Variants in CEP63 observed in about 807,000 individuals in gnomAD.
The protein encoded by CEP63 is centrosomal protein 63, also known as centrosomal protein of 63 kDa.
A neutral mutation model predicts 89.1 loss-of-function variants in CEP63; 84 were observed. That is an observed-to-expected ratio of 0.94 (90% CI 0.79 to 1.13). CEP63 has a LOEUF of 1.13. CEP63 is among the 50% of genes most tolerant of loss of function. The pLI, the probability that CEP63 is intolerant of heterozygous loss-of-function variation, is 0.00. For missense variants in CEP63, 838 were observed against 813.3 expected, an observed-to-expected ratio of 1.03 and a Z score of -0.37; for synonymous variants, 267 against 272.5, an observed-to-expected ratio of 0.98 and a Z score of 0.20.
At chr3:134,601,950 T>C in the CEP63 span, among the ~76,000 whole-genome samples, 1 of 152,118 alleles carries the variant, frequency 6.6e-6, no homozygotes. Flanking sequence ...CCGGGCCCCC[T>C]TGGTTCACCT....
the CEP63 span, among the ~76,000 whole-genome samples, chr3:134,593,548 CAG>C: frequency 3.3e-5 from 5 of 152,166 alleles, no homozygotes; most frequent in Non-Finnish European, 7.3e-5. Flanking sequence ...TGCTGTCAAA[CAG>C]GGGCTGAGCC....
At chr3:134,574,255 C>T (rs527902785) in intron 11 of CEP63, among the ~76,000 whole-genome samples, 1 of 152,164 alleles carries the variant, frequency 6.6e-6, no homozygotes, top group Non-Finnish European at 1.5e-5. Context: ...GATGGAGGAG[C>T]GGCTTCTGCA....
At chr3:134,556,682 A>C (rs952821035) in intron 12 of CEP63, among the ~76,000 whole-genome samples, 1 of 152,206 alleles carries the variant, frequency 6.6e-6, no homozygotes, top group African/African-American at 2.4e-5. Flanking sequence ...CCAGACCATG[A>C]CCAGAGATGC....
intron 12 of CEP63, 109 bp from the exon 13 acceptor site, chr3:134,558,033 A>G (rs1321134274): frequency 1.1e-6 from 1 of 912,214 alleles, no homozygotes; most frequent in Non-Finnish European, 1.8e-6. Flanking sequence ...CATTAAAGCC[A>G]TAGATTAACT....
chr3:134,747,985 C>A, the CEP63 span, among the ~76,000 whole-genome samples: 6 of 152,112 alleles, frequency 3.9e-5, no homozygotes, highest in Non-Finnish European at 7.4e-5. Flanking sequence ...AGGGTTTCAC[C>A]ATATTGGCCA....
At chr3:134,594,363 T>A in the CEP63 span, among the ~76,000 whole-genome samples, 92 of 152,274 alleles carry the variant, frequency 6.0e-4, no homozygotes, top group Middle Eastern at 3.4e-3. Context: ...AAGGGGGACG[T>A]CACTGCCTTG....
At chr3:134,550,874 A>T (rs1178075450) in intron 11 of CEP63, among the ~76,000 whole-genome samples, 5 of 152,214 alleles carry the variant, frequency 3.3e-5, no homozygotes, top group African/African-American at 1.2e-4. Flanking sequence ...TGGCCTGAGC[A>T]GTGGGCAAGG....
chr3:134,701,277 C>CAGATACGTATATATGTGT, the CEP63 span, among the ~76,000 whole-genome samples: 1 of 38,686 alleles, frequency 2.6e-5, no homozygotes, highest in Non-Finnish European at 5.0e-5. Context: ...CATATACACA[C>CAGATACGTATATATGTGT]ATATATACGT....
the CEP63 span, among the ~76,000 whole-genome samples, chr3:134,652,019 A>G: frequency 2.0e-5 from 3 of 152,122 alleles, no homozygotes; most frequent in Non-Finnish European, 4.4e-5. Flanking sequence ...ATTGGAGTGT[A>G]TGGACCCCAC....
At chr3:134,750,212 A>G in the CEP63 span, among the ~76,000 whole-genome samples, 57 of 152,170 alleles carry the variant, frequency 3.7e-4, 1 homozygote, top group Admixed American at 3.5e-3. Flanking sequence ...CAATCAGGCC[A>G]GGTGTTGAGC....
At chr3:134,682,340 C>A in the CEP63 span, among the ~76,000 whole-genome samples, 1 of 152,104 alleles carries the variant, frequency 6.6e-6, no homozygotes, top group Non-Finnish European at 1.5e-5. Context: ...TGCAATCGTA[C>A]TGAGAGATGT....
downstream of CEP63, among the ~76,000 whole-genome samples, chr3:134,592,025 C>G (rs13071551): frequency 0.32 from 48,230 of 152,112 alleles, 7,927 homozygotes; most frequent in African/African-American, 0.35. Flanking sequence ...TTTTCAGGGT[C>G]AGGAATTTAG....
At chr3:134,779,281 CAT>C in the CEP63 span, among the ~76,000 whole-genome samples, 6 of 152,186 alleles carry the variant, frequency 3.9e-5, no homozygotes, top group African/African-American at 1.2e-4. Context: ...AGAAGTATCT[CAT>C]GTGATACTTT....
At chr3:134,567,284 G>A (rs915563738), downstream of CEP63, among the ~76,000 whole-genome samples, 3 of 152,012 alleles carry the variant, frequency 2.0e-5, no homozygotes, top group East Asian at 1.9e-4. Flanking sequence ...GGGAAATGGG[G>A]TGGGGATAGG....
At chr3:134,625,912 T>C in the CEP63 span, among the ~76,000 whole-genome samples, 1 of 152,240 alleles carries the variant, frequency 6.6e-6, no homozygotes, top group Non-Finnish European at 1.5e-5. Flanking sequence ...AGACCAGTGC[T>C]GATGCAGGGC....
chr3:134,727,367 C>G, the CEP63 span, among the ~76,000 whole-genome samples: 1 of 152,104 alleles, frequency 6.6e-6, no homozygotes, highest in Middle Eastern at 3.2e-3. Flanking sequence ...GCAAAAACAC[C>G]AGCCTGGGAG....
At chr3:134,647,685 A>C in the CEP63 span, among the ~76,000 whole-genome samples, 1 of 152,144 alleles carries the variant, frequency 6.6e-6, no homozygotes, top group African/African-American at 2.4e-5. Context: ...ACATTTAAAA[A>C]CTGTTAAAAC....
the CEP63 span, among the ~76,000 whole-genome samples, chr3:134,739,324 T>C: frequency 6.6e-6 from 1 of 152,252 alleles, no homozygotes; most frequent in African/African-American, 2.4e-5. Flanking sequence ...GGAACACTTA[T>C]GCATCATTGC....
At chr3:134,740,279 T>C in the CEP63 span, among the ~76,000 whole-genome samples, 9 of 146,054 alleles carry the variant, frequency 6.2e-5, no homozygotes, top group Non-Finnish European at 9.0e-5. Context: ...TATTTATTTA[T>C]TTATTTATTT....
Sources: gnomAD v4.1 joint callset for allele counts (sites outside exome capture counted in the v4.1 genomes callset) on GRCh38, gnomAD v4.1.1 for gene constraint, MANE v1.5 for transcripts, NCBI Gene and HGNC (gene_info 2026-07-23, HGNC 2026-07-21) for gene names.